FRMD3: variants seen among roughly 807,000 people sequenced by gnomAD.
FRMD3 encodes FERM domain-containing protein 3.
In FRMD3, 33 loss-of-function variants were observed where a neutral mutation model predicts 70.2. That is an observed-to-expected ratio of 0.47 (90% CI 0.36 to 0.63). The LOEUF (loss-of-function observed/expected upper bound fraction) is 0.63. FRMD3 is among the 20% of genes least tolerant of loss of function. The pLI is 0.00. For missense variants in FRMD3, 632 were observed against 711.4 expected (o/e 0.89, Z 1.27); for synonymous variants, 279 against 255.9 (o/e 1.09, Z -0.86).
At chr9:83,367,371 G>A (rs147192470) in intron 3 of FRMD3, among the ~76,000 whole-genome samples, 1 of 152,238 alleles carries the variant, frequency 6.6e-6, no homozygotes. Flanking sequence ...CAGGTAGAGT[G>A]GGTTAATTGC....
chr9:83,520,369 A>G (rs1829545134), intron 1 of FRMD3, among the ~76,000 whole-genome samples: 2 of 152,224 alleles, frequency 1.3e-5, no homozygotes, highest in East Asian at 3.8e-4. Context: ...TGAAAGTAAC[A>G]CATGCTTACC....
the FRMD3 span, among the ~76,000 whole-genome samples, chr9:83,574,051 C>G: frequency 6.6e-6 from 1 of 152,144 alleles, no homozygotes; most frequent in Non-Finnish European, 1.5e-5. Flanking sequence ...TATATACACC[C>G]TCTTCCGCTA....
At chr9:83,403,440 C>CA (rs1392933346) in intron 1 of FRMD3, among the ~76,000 whole-genome samples, 5 of 152,150 alleles carry the variant, frequency 3.3e-5, no homozygotes, top group Non-Finnish European at 4.4e-5. Context: ...GGGGCTTCTG[C>CA]AGTGCTTCAA....
intron 1 of FRMD3, among the ~76,000 whole-genome samples, chr9:83,514,668 G>A (rs1022102721): frequency 1.3e-5 from 2 of 152,174 alleles, no homozygotes; most frequent in Non-Finnish European, 2.9e-5. Context: ...TACTGATGGG[G>A]AGACTCCCCC....
At chr9:83,573,894 T>G in the FRMD3 span, among the ~76,000 whole-genome samples, 15 of 151,956 alleles carry the variant, frequency 9.9e-5, no homozygotes, top group African/African-American at 3.6e-4. Flanking sequence ...CAATCAAAAG[T>G]GACAAAAGGG....
At chr9:83,267,174 G>T (rs1227132559) in intron 13 of FRMD3, 1 of 1,550,464 alleles carries the variant, frequency 6.4e-7, no homozygotes. Context: ...TCCTCGGCCT[G>T]CATGGCCCAG....
At chr9:83,493,533 C>T (rs1270414721) in intron 1 of FRMD3, among the ~76,000 whole-genome samples, 1 of 152,216 alleles carries the variant, frequency 6.6e-6, no homozygotes, top group Admixed American at 6.5e-5. Flanking sequence ...AAGAGGGCCC[C>T]AGTGGCCAGA....
chr9:83,479,148 C>T (rs921757922), intron 1 of FRMD3, among the ~76,000 whole-genome samples: 2 of 151,848 alleles, frequency 1.3e-5, no homozygotes, highest in African/African-American at 4.8e-5. Flanking sequence ...ACAAATACGG[C>T]CAATGCAAAA....
intron 7 of FRMD3, among the ~76,000 whole-genome samples, chr9:83,312,772 C>CG (rs1800213113): frequency 6.6e-6 from 1 of 152,034 alleles, no homozygotes; most frequent in Admixed American, 6.5e-5. Context: ...CGCCCCGCCC[C>CG]GCCCTCCTCC....
intron 1 of FRMD3, among the ~76,000 whole-genome samples, chr9:83,516,554 A>G (rs921302172): frequency 6.6e-6 from 1 of 152,184 alleles, no homozygotes; most frequent in Non-Finnish European, 1.5e-5. Flanking sequence ...TCAATATTCA[A>G]CAGATCAACG....
intron 1 of FRMD3, among the ~76,000 whole-genome samples, chr9:83,436,490 GTC>G (rs1554705107): frequency 1.3e-5 from 2 of 149,538 alleles, no homozygotes; most frequent in Non-Finnish European, 3.0e-5. Flanking sequence ...GTGTGTGTGT[GTC>G]TGCATGCACA....
rs373531120 is a variant in FRMD3 at position 83,248,228 on chromosome 9, A to G, written c.1484T>C (p.Ile495Thr). 6.2e-6 allele frequency: 10 copies of G among 1,614,054 alleles called. No homozygotes were observed. The highest frequency in any genetic ancestry group is 1.6e-4 in the Middle Eastern group (1 of 6,084). The change falls in exon 14 of 14, where the codon ATT becomes ACT. Residue 495 changes from isoleucine to threonine, a missense_variant. This residue lies in a region of FRMD3 where 418 missense variants were observed against 442.1 expected (regional missense o/e 0.95). Transcript: ENST00000304195. ...CTCCTTCAGCTCCTCTTCTTCAGCA[A>G]TCAAAAAGGCGTTTTCATCTGCTTC... ...DLEADENAFLIAEEEELKEAR... is the reference protein window; with the variant it reads ...DLEADENAFLTAEEEELKEAR...
rs373756443 is a variant in FRMD3 at position 83,333,312 on chromosome 9, T to C, written c.596+2204A>G. Among the ~76,000 whole-genome samples the C allele has an allele frequency of 7.2e-5, 11 of 152,232 alleles. No homozygotes were observed. The East Asian group carries it at 1.7e-3, about 24-fold the overall frequency. On this transcript the variant is annotated intron_variant, in intron 6 of 13. Transcript: ENST00000304195. The stretch of plus-strand genomic sequence containing the variant: ...ACAAAGGCTTAATGGATGTTTCAAA[T>C]GTGCAGGACCACATGTGCCATAGAA...
At chr9:83,416,470 C>T (rs1288578240) in intron 1 of FRMD3, among the ~76,000 whole-genome samples, 1 of 152,184 alleles carries the variant, frequency 6.6e-6, no homozygotes, top group Non-Finnish European at 1.5e-5. Context: ...GTTTATTTGC[C>T]TATTGTCTCT....
intron 1 of FRMD3, among the ~76,000 whole-genome samples, chr9:83,418,783 C>G (rs1404568303): frequency 2.6e-5 from 4 of 152,180 alleles, no homozygotes; most frequent in Non-Finnish European, 1.5e-5. Flanking sequence ...TACTGGGTAT[C>G]TACCCAGAGG....
At chr9:83,479,931 A>G (rs1828528594) in intron 1 of FRMD3, among the ~76,000 whole-genome samples, 1 of 152,102 alleles carries the variant, frequency 6.6e-6, no homozygotes, top group Non-Finnish European at 1.5e-5. Context: ...AAAAATATCA[A>G]AAGTCTCACA....
chr9:83,277,413 G>A (rs1369675772), intron 13 of FRMD3, among the ~76,000 whole-genome samples: 1 of 152,222 alleles, frequency 6.6e-6, no homozygotes, highest in Non-Finnish European at 1.5e-5. Context: ...TGCCCAGGCT[G>A]AAGTGTAATG....
chr9:83,574,155 T>C, the FRMD3 span, among the ~76,000 whole-genome samples: 4 of 152,134 alleles, frequency 2.6e-5, no homozygotes, highest in Admixed American at 1.3e-4. Flanking sequence ...CCAAAGGAGA[T>C]TTCACAGAAC....
At chr9:83,444,594 CTTGAATCACA>C (rs996975993) in intron 1 of FRMD3, among the ~76,000 whole-genome samples, 93 of 152,338 alleles carry the variant, frequency 6.1e-4, no homozygotes, top group African/African-American at 2.1e-3. Context: ...ATGCTGTGTA[CTTGAATCACA>C]TTGACCCAAA....
Sources: gnomAD v4.1 joint callset for allele counts (sites outside exome capture counted in the v4.1 genomes callset) on GRCh38, gnomAD v4.1.1 for gene constraint, gnomAD v4.1.1 regional missense constraint, MANE v1.5 for transcripts, NCBI Gene and HGNC (gene_info 2026-07-23, HGNC 2026-07-21) for gene names.